PTPRK: variants seen among roughly 807,000 people sequenced by gnomAD.
The protein encoded by PTPRK is receptor-type tyrosine-protein phosphatase kappa.
A neutral mutation model predicts 178.0 loss-of-function variants in PTPRK; 75 were observed. The ratio of observed to expected loss-of-function variants is 0.42; its 90% confidence interval spans 0.35 to 0.51. The LOEUF (loss-of-function observed/expected upper bound fraction) is 0.51, where lower values mean the gene tolerates loss of function less well. Among genes scored for constraint, PTPRK ranks in the 20% least tolerant of loss-of-function variants. The pLI is 0.02. For missense variants in PTPRK, 1,441 were observed against 1,797.8 expected, an observed-to-expected ratio of 0.80 and a Z score of 3.59; for synonymous variants, 637 against 620.6, an observed-to-expected ratio of 1.03 and a Z score of -0.39.
intron 3 of PTPRK, among the ~76,000 whole-genome samples, chr6:128,313,344 A>G (rs146056050): frequency 1.3e-5 from 2 of 152,260 alleles, no homozygotes; most frequent in African/African-American, 2.4e-5. Flanking sequence ...GGACACCCTG[A>G]CCTTTTTAAA....
chr6:128,324,806 G>A (rs940412289), intron 2 of PTPRK, among the ~76,000 whole-genome samples: 7 of 152,104 alleles, frequency 4.6e-5, no homozygotes, highest in Non-Finnish European at 7.4e-5. Context: ...AGGCACTAGG[G>A]AGGAAGCTGC....
chr6:128,459,344 G>A (rs576273977), intron 1 of PTPRK, among the ~76,000 whole-genome samples: 12 of 152,168 alleles, frequency 7.9e-5, no homozygotes, highest in Middle Eastern at 3.4e-3. Flanking sequence ...AAGAAAAAAG[G>A]AAGACAGGCA....
chr6:128,156,289 C>T (rs116589859), intron 7 of PTPRK, among the ~76,000 whole-genome samples: 1 of 151,830 alleles, frequency 6.6e-6, no homozygotes, highest in African/African-American at 2.4e-5. Context: ...AAGCATAATA[C>T]ATACTAGGTA....
chr6:128,169,606 C>G (rs1337673603), intron 7 of PTPRK, among the ~76,000 whole-genome samples: 3 of 151,966 alleles, frequency 2.0e-5, no homozygotes, highest in Non-Finnish European at 4.4e-5. Context: ...GTTATTTCAT[C>G]ATACCTTGAT....
At chr6:128,397,146 C>G (rs549151362) in intron 2 of PTPRK, among the ~76,000 whole-genome samples, 1 of 152,298 alleles carries the variant, frequency 6.6e-6, no homozygotes, top group South Asian at 2.1e-4. Context: ...AAGACACAAC[C>G]TCTCTCCTTA....
intron 3 of PTPRK, among the ~76,000 whole-genome samples, chr6:128,297,601 T>G (rs1325210109): frequency 6.6e-6 from 1 of 152,184 alleles, no homozygotes; most frequent in Admixed American, 6.5e-5. Flanking sequence ...ACATGGAAAC[T>G]GAACAACCTG....
chr6:128,471,450 A>G (rs1850638481), intron 1 of PTPRK, among the ~76,000 whole-genome samples: 1 of 151,860 alleles, frequency 6.6e-6, no homozygotes, highest in Admixed American at 6.6e-5. Context: ...CCAGAAAAAA[A>G]TAATAATGAT....
At chr6:128,485,010 C>A (rs1464393163) in intron 1 of PTPRK, among the ~76,000 whole-genome samples, 1 of 152,134 alleles carries the variant, frequency 6.6e-6, no homozygotes, top group Non-Finnish European at 1.5e-5. Context: ...AGACTGAGGT[C>A]TCTGAACCCA....
chr6:128,295,193 A>C (rs2128308484), intron 3 of PTPRK, among the ~76,000 whole-genome samples: 1 of 152,236 alleles, frequency 6.6e-6, no homozygotes, highest in African/African-American at 2.4e-5. Context: ...ACTTTAAAAT[A>C]ATTTTAACAG....
intron 3 of PTPRK, among the ~76,000 whole-genome samples, chr6:128,271,464 A>C (rs1317712130): frequency 1.3e-5 from 2 of 152,194 alleles, no homozygotes; most frequent in African/African-American, 4.8e-5. Context: ...TATCAGCTTT[A>C]TAAGAGCTGT....
At chr6:128,283,151 C>G (rs553304336) in intron 3 of PTPRK, among the ~76,000 whole-genome samples, 4 of 152,098 alleles carry the variant, frequency 2.6e-5, no homozygotes, top group Non-Finnish European at 5.9e-5. Context: ...CTTGTGCTCG[C>G]CCCCAAGGCT....
intron 7 of PTPRK, among the ~76,000 whole-genome samples, chr6:128,114,731 T>C (rs1000446122): frequency 2.0e-5 from 3 of 146,686 alleles, no homozygotes; most frequent in Non-Finnish European, 4.5e-5. Context: ...CCTCAACTTA[T>C]GTGGATTATG....
At chr6:128,448,278 A>AT (rs1289187578) in intron 1 of PTPRK, among the ~76,000 whole-genome samples, 1 of 152,154 alleles carries the variant, frequency 6.6e-6, no homozygotes, top group Non-Finnish European at 1.5e-5. Context: ...TTGGTTCTGG[A>AT]GTTCTGGAGA....
intron 13 of PTPRK, among the ~76,000 whole-genome samples, chr6:128,038,634 C>T (rs963465897): frequency 4.6e-5 from 7 of 152,068 alleles, no homozygotes; most frequent in Admixed American, 6.6e-5. Flanking sequence ...TCAGGAAATG[C>T]GACAGGACCA....
intron 3 of PTPRK, among the ~76,000 whole-genome samples, chr6:128,293,472 C>G (rs1823751930): frequency 6.6e-6 from 1 of 152,076 alleles, no homozygotes; most frequent in Non-Finnish European, 1.5e-5. Flanking sequence ...ACTTAATCAT[C>G]TCTTAAAAGT....
intron 1 of PTPRK, among the ~76,000 whole-genome samples, chr6:128,445,937 A>G (rs767712028): frequency 2.0e-5 from 3 of 152,128 alleles, no homozygotes; most frequent in Non-Finnish European, 2.9e-5. Flanking sequence ...TAGACCTAAC[A>G]TGTTCCATCT....
At chr6:128,489,710 A>G (rs1333250000) in intron 1 of PTPRK, among the ~76,000 whole-genome samples, 1 of 152,258 alleles carries the variant, frequency 6.6e-6, no homozygotes, top group Non-Finnish European at 1.5e-5. Flanking sequence ...AAGGAGGATC[A>G]GGAAAAGAGT....
In PTPRK at chr6:128,021,526, C is replaced by T. The variant is rs193023011; in HGVS notation, c.2195-12258G>A. 3.4e-3 allele frequency among the ~76,000 whole-genome samples: 513 copies of T among 152,240 alleles called. 13 individuals carry two copies. Among genetic ancestry groups the T allele is most frequent in the Admixed American group, 0.026 (391 of 15,288 alleles). ...TGGTGGGCGCCTGTAGTCCCAGCTA[C>T]TCGGGAGGGAGGCTGAGGCAGGAGA... is the stretch of plus-strand genomic sequence containing the variant. On this transcript the variant is annotated intron_variant, in intron 13 of 29. Transcript: ENST00000368226.
chr6:128,107,532 T>G (rs1185988914), intron 7 of PTPRK, among the ~76,000 whole-genome samples: 1 of 152,190 alleles, frequency 6.6e-6, no homozygotes, highest in African/African-American at 2.4e-5. Flanking sequence ...TAAATTGTAT[T>G]TCTTCAAGGT....
Sources: gnomAD v4.1 joint callset for allele counts (sites outside exome capture counted in the v4.1 genomes callset) on GRCh38, gnomAD v4.1.1 for gene constraint, MANE v1.5 for transcripts, NCBI Gene and HGNC (gene_info 2026-07-23, HGNC 2026-07-21) for gene names.